CSMD1: variants seen among roughly 807,000 people sequenced by gnomAD.
CSMD1 encodes the protein CUB and sushi domain-containing protein 1.
Under a neutral mutation model 417.5 loss-of-function variants are expected in CSMD1, and 213 were observed. That is an observed-to-expected ratio of 0.51 (90% CI 0.46 to 0.57). The LOEUF is 0.57. CSMD1 is among the 20% of genes least tolerant of loss of function. The probability of loss-of-function intolerance (pLI) is 0.00; values close to 1 mark genes in which losing one functional copy is unlikely to be tolerated. For missense variants in CSMD1, 6,923 were observed against 4,529.7 expected (o/e 1.53, Z -15.17); for synonymous variants, 2,862 against 1,736.8 (o/e 1.65, Z -16.11).
chr8:3,775,590 C>G (rs1268469775), intron 5 of CSMD1, among the ~76,000 whole-genome samples: 2 of 152,156 alleles, frequency 1.3e-5, no homozygotes, highest in Non-Finnish European at 2.9e-5. Flanking sequence ...GACTCATGTG[C>G]TCTTGTCAGT....
At chr8:4,257,942 A>G (rs1241296945) in intron 3 of CSMD1, among the ~76,000 whole-genome samples, 1 of 152,132 alleles carries the variant, frequency 6.6e-6, no homozygotes, top group Non-Finnish European at 1.5e-5. Context: ...GCCTTTTTCA[A>G]AATCATTAGA....
chr8:3,887,819 T>C (rs1244439159), intron 5 of CSMD1, among the ~76,000 whole-genome samples: 3 of 152,216 alleles, frequency 2.0e-5, no homozygotes, highest in African/African-American at 4.8e-5. Context: ...TCTGCCTCCG[T>C]TTGTTCATCT....
chr8:4,219,745 ACTT>A (rs1186841410), intron 3 of CSMD1, among the ~76,000 whole-genome samples: 1 of 152,174 alleles, frequency 6.6e-6, no homozygotes, highest in Non-Finnish European at 1.5e-5. Context: ...GGTTTGAATG[ACTT>A]CTTTTCCTGA....
At chr8:4,333,912 G>T (rs1800015477) in intron 3 of CSMD1, among the ~76,000 whole-genome samples, 1 of 151,982 alleles carries the variant, frequency 6.6e-6, no homozygotes, top group Non-Finnish European at 1.5e-5. Context: ...TTTGTTTTGA[G>T]AAAAGTTCTC....
chr8:4,730,472 G>A (rs1022779988), intron 1 of CSMD1, among the ~76,000 whole-genome samples: 1 of 152,168 alleles, frequency 6.6e-6, no homozygotes. Flanking sequence ...CAGGAGCAGT[G>A]GCTCACACCT....
At chr8:3,830,963 G>A (rs1488693499) in intron 5 of CSMD1, among the ~76,000 whole-genome samples, 1 of 152,072 alleles carries the variant, frequency 6.6e-6, no homozygotes, top group African/African-American at 2.4e-5. Context: ...AGTTCACCTA[G>A]GACGATTAAC....
At chr8:3,886,209 C>G (rs530827898) in intron 5 of CSMD1, among the ~76,000 whole-genome samples, 12 of 152,154 alleles carry the variant, frequency 7.9e-5, no homozygotes, top group Admixed American at 2.6e-4. Flanking sequence ...ACCACCATGC[C>G]CAGCTAATTT....
chr8:4,408,354 G>C (rs1796454390), intron 3 of CSMD1, among the ~76,000 whole-genome samples: 2 of 152,134 alleles, frequency 1.3e-5, no homozygotes, highest in Non-Finnish European at 2.9e-5. Context: ...GTCTGGAAAG[G>C]GCGTATCATC....
intron 3 of CSMD1, among the ~76,000 whole-genome samples, chr8:4,374,582 G>A (rs12386966): frequency 0.71 from 108,367 of 151,962 alleles, 39,553 homozygotes; most frequent in African/African-American, 0.89. Flanking sequence ...TGAGCCATGG[G>A]AAGACAAGGG....
chr8:4,936,918 G>A (rs1226232393), intron 1 of CSMD1, among the ~76,000 whole-genome samples: 1 of 152,092 alleles, frequency 6.6e-6, no homozygotes, highest in Non-Finnish European at 1.5e-5. Context: ...TTCTTTAAAT[G>A]TTATTTTTGT....
chr8:3,694,491 A>G (rs912229430), intron 7 of CSMD1, among the ~76,000 whole-genome samples: 7 of 152,106 alleles, frequency 4.6e-5, no homozygotes, highest in Admixed American at 3.9e-4. Flanking sequence ...ACCATCTGGG[A>G]AAGCATGTGC....
At chr8:3,202,673 AGTT>A (rs1482508928) in intron 31 of CSMD1, among the ~76,000 whole-genome samples, 2 of 152,238 alleles carry the variant, frequency 1.3e-5, no homozygotes, top group Non-Finnish European at 2.9e-5. Flanking sequence ...TGTGTGCACT[AGTT>A]GTGTGTGTCA....
intron 1 of CSMD1, among the ~76,000 whole-genome samples, chr8:4,661,439 A>C (rs1804601003): frequency 6.6e-6 from 1 of 152,198 alleles, no homozygotes; most frequent in Non-Finnish European, 1.5e-5. Flanking sequence ...TGAAGTGACA[A>C]AAATATAGAA....
chr8:3,819,034 G>T (rs79966962), intron 5 of CSMD1, among the ~76,000 whole-genome samples: 1 of 152,102 alleles, frequency 6.6e-6, no homozygotes, highest in Non-Finnish European at 1.5e-5. Context: ...CCAGATTGAC[G>T]GTAAAACATT....
At chr8:4,791,925 G>T (rs1020795311) in intron 1 of CSMD1, among the ~76,000 whole-genome samples, 1 of 150,046 alleles carries the variant, frequency 6.7e-6, no homozygotes, top group Non-Finnish European at 1.5e-5. Context: ...GATTAATTTA[G>T]TTTCTTTATG....
At chr8:4,157,723 G>A (rs1416139924) in intron 3 of CSMD1, among the ~76,000 whole-genome samples, 2 of 152,194 alleles carry the variant, frequency 1.3e-5, no homozygotes, top group African/African-American at 4.8e-5. Flanking sequence ...TTGTCCCTCT[G>A]GCCGTCCTTT....
intron 31 of CSMD1, among the ~76,000 whole-genome samples, chr8:3,203,168 C>T (rs183448453): frequency 1.3e-5 from 2 of 152,180 alleles, no homozygotes; most frequent in Non-Finnish European, 2.9e-5. Context: ...GTAACATGGT[C>T]TTAGGACTAT....
At chr8:4,373,385 TGCCACCAGAATA>T (rs1200964509) in intron 3 of CSMD1, among the ~76,000 whole-genome samples, 2 of 152,224 alleles carry the variant, frequency 1.3e-5, no homozygotes, top group African/African-American at 2.4e-5. Flanking sequence ...GCAACAAATG[TGCCACCAGAATA>T]TAAAATGTTA....
rs115574904 is a variant in CSMD1 at position 2,970,144 on chromosome 8, C to T, written c.8923+2973G>A. 3.6e-3 allele frequency among the ~76,000 whole-genome samples: 546 copies of T among 152,108 alleles called. 1 individual carries two copies. The highest frequency in any genetic ancestry group is 0.012 in the African/African-American group (492 of 41,484). On this transcript the variant is annotated intron_variant, in intron 57 of 69. Transcript: ENST00000635120. ...GAGTTAGATAGATTGGGAAGTGAAA[C>T]GCAATTAAGCTCTCATTCAAATAAA...
Sources: gnomAD v4.1 joint callset for allele counts (sites outside exome capture counted in the v4.1 genomes callset) on GRCh38, gnomAD v4.1.1 for gene constraint, MANE v1.5 for transcripts, NCBI Gene and HGNC (gene_info 2026-07-23, HGNC 2026-07-21) for gene names.